The following ESRRG variants were observed in gnomAD, a reference collection of about 807,000 sequenced individuals.
The protein encoded by ESRRG is estrogen-related receptor gamma.
In ESRRG, 13 loss-of-function variants were observed where a neutral mutation model predicts 44.0. That is an observed-to-expected ratio of 0.30 (90% CI 0.19 to 0.47). The LOEUF (loss-of-function observed/expected upper bound fraction) is 0.47. Ranked by LOEUF, ESRRG falls within the 20% of genes least tolerant of loss-of-function variation. The pLI, the probability that ESRRG is intolerant of heterozygous loss-of-function variation, is 1.00. For synonymous variants in ESRRG, 215 were observed against 214.6 expected (o/e 1.00, Z -0.02); for missense variants, 395 against 580.6 (o/e 0.68, Z 3.29).
At position 216,825,725 on chromosome 1, in the gene ESRRG, T is replaced by A. The variant is rs78818628; in HGVS notation, c.-14+113857A>T. On this transcript the variant is annotated intron_variant, in intron 2 of 7. Transcript: ENST00000359162. ...GAACCAGTTGAGATTGCTTATGCTCTACAAAGCATTCTAGTCTGAGAAGAG... is the reference window on the plus strand; with the variant it reads ...GAACCAGTTGAGATTGCTTATGCTCAACAAAGCATTCTAGTCTGAGAAGAG... 1.3e-4 allele frequency among the ~76,000 whole-genome samples: 20 copies of A among 152,330 alleles called. No individual in the cohort carries two copies. The East Asian group carries it at 3.9e-3, about 29-fold the overall frequency.
chr1:216,545,483 T>G (rs977195309), intron 5 of ESRRG, among the ~76,000 whole-genome samples: 6 of 152,072 alleles, frequency 3.9e-5, no homozygotes, highest in Non-Finnish European at 8.8e-5. Context: ...TAGTCTGATG[T>G]TATTTGTATA....
At chr1:216,898,121 CAGAA>C (rs2058635020) in intron 2 of ESRRG, among the ~76,000 whole-genome samples, 2 of 152,130 alleles carry the variant, frequency 1.3e-5, no homozygotes, top group South Asian at 4.1e-4. Flanking sequence ...GGGAAAAAAT[CAGAA>C]AGATCTGATT....
chr1:217,077,046 A>G (rs944811377), intron 1 of ESRRG: 4 of 152,228 alleles, frequency 2.6e-5, no homozygotes, highest in Non-Finnish European at 5.9e-5. Flanking sequence ...ACCAAATCAC[A>G]TGACCTTTTA....
chr1:216,545,599 A>C (rs1352282627), intron 5 of ESRRG, among the ~76,000 whole-genome samples: 1 of 152,068 alleles, frequency 6.6e-6, no homozygotes, highest in Admixed American at 6.6e-5. Flanking sequence ...AATTTTTCAA[A>C]ATTTTATTGA....
intron 1 of ESRRG, among the ~76,000 whole-genome samples, chr1:216,987,975 T>C (rs993592211): frequency 1.3e-5 from 2 of 152,160 alleles, no homozygotes; most frequent in Non-Finnish European, 2.9e-5. Flanking sequence ...TTATCCACAG[T>C]GGTAACTTAA....
chr1:217,108,084 C>T (rs2092619869), intron 1 of ESRRG, among the ~76,000 whole-genome samples: 1 of 152,084 alleles, frequency 6.6e-6, no homozygotes, highest in Admixed American at 6.6e-5. Flanking sequence ...AAAGTCTCTA[C>T]CCAGTTTTCC....
intron 2 of ESRRG, among the ~76,000 whole-genome samples, chr1:216,873,069 G>C (rs1004609446): frequency 2.6e-5 from 4 of 152,100 alleles, no homozygotes; most frequent in Non-Finnish European, 5.9e-5. Context: ...GATTTTTCCT[G>C]TGTGTGCACC....
At chr1:216,508,453 T>C (rs889785690) in intron 6 of ESRRG, among the ~76,000 whole-genome samples, 4 of 152,232 alleles carry the variant, frequency 2.6e-5, no homozygotes, top group African/African-American at 9.6e-5. Flanking sequence ...TATTTACTGC[T>C]CAAGACTCAA....
At chr1:216,959,960 A>T (rs1174790301) in intron 1 of ESRRG, among the ~76,000 whole-genome samples, 1 of 152,158 alleles carries the variant, frequency 6.6e-6, no homozygotes, top group Non-Finnish European at 1.5e-5. Flanking sequence ...CTTTACAGAT[A>T]AGAACATTGA....
At chr1:216,878,120 T>C (rs2096386039) in intron 2 of ESRRG, among the ~76,000 whole-genome samples, 1 of 152,232 alleles carries the variant, frequency 6.6e-6, no homozygotes, top group Non-Finnish European at 1.5e-5. Flanking sequence ...TGTTTTATAA[T>C]ACCTATTTCT....
At chr1:216,545,278 G>A (rs1485674560) in intron 5 of ESRRG, among the ~76,000 whole-genome samples, 1 of 150,724 alleles carries the variant, frequency 6.6e-6, no homozygotes, top group African/African-American at 2.4e-5. Flanking sequence ...GTCCAGGCTG[G>A]TCTTAAACTC....
Position 216,568,086 on chromosome 1 carries a change from T to A in ESRRG, c.602A>T (p.Asp201Val). ...CTTCTGCCGACCTCCACGTACTCTG[T>A]CAAGACGCACCCCTGTGAGCAAAGA... ...VGMLKEGVRL[D>V]RVRGGRQKYK... is the part of the protein sequence containing the mutation. Residue 201 changes from aspartate (D) to valine (V), a missense_variant, in exon 4 of 7, where the codon GAC (aspartate) becomes GTC (valine). Physicochemically the swap from Asp to Val is radical, Grantham distance 152 (BLOSUM62 -3). Around this residue, in one of 5 missense-constraint regions of ESRRG, gnomAD observed 35 missense variants for 120.1 expected, o/e 0.29. Coordinates refer to ENST00000408911, the MANE Select transcript of ESRRG (RefSeq NM_001438.4). The A allele has an allele frequency of 6.2e-7, 1 of 1,613,092 alleles. No homozygotes were observed. Among genetic ancestry groups the A allele is most frequent in the Non-Finnish European group, 8.5e-7 (1 of 1,179,150 alleles).
In ESRRG at chr1:217,002,323, G is replaced by GA. The variant is rs10714133; in HGVS notation, c.-105-62651dup. 5.2e-4 allele frequency among the ~76,000 whole-genome samples: 61 copies of GA among 116,926 alleles called. 1 individual carries two copies. The highest frequency in any genetic ancestry group is 2.1e-3 in the South Asian group (8 of 3,818). 76.7% of individuals were successfully genotyped at this position (116,926 alleles called of 152,430 possible). On this transcript the variant is annotated intron_variant, in intron 1 of 7. Coordinates refer to the ESRRG transcript ENST00000359162. ...TCTAAAAAAAAAAAAAAGAAAGAAAGAAAAAAAAAAAAGAAAGAAAGAAAA... is the reference window on the plus strand; with the variant it reads ...TCTAAAAAAAAAAAAAAGAAAGAAAGAAAAAAAAAAAAAGAAAGAAAGAAAA...
intron 1 of ESRRG, among the ~76,000 whole-genome samples, chr1:216,981,199 A>G (rs753583490): frequency 6.6e-6 from 1 of 152,212 alleles, no homozygotes; most frequent in African/African-American, 2.4e-5. Context: ...TTTCCATTCT[A>G]TCATAACCAC....
intron 2 of ESRRG, among the ~76,000 whole-genome samples, chr1:216,889,422 A>G (rs565000185): frequency 6.6e-6 from 1 of 152,340 alleles, no homozygotes; most frequent in South Asian, 2.1e-4. Context: ...CTGAGAGGCC[A>G]TGGACACCCA....
At chr1:216,799,874 C>T (rs2094567865) in intron 2 of ESRRG, among the ~76,000 whole-genome samples, 1 of 152,040 alleles carries the variant, frequency 6.6e-6, no homozygotes, top group Non-Finnish European at 1.5e-5. Flanking sequence ...TCTCATTAGT[C>T]AGTAATTTGG....
At chr1:216,613,272 A>T (rs1251152648) in intron 3 of ESRRG, among the ~76,000 whole-genome samples, 1 of 152,186 alleles carries the variant, frequency 6.6e-6, no homozygotes, top group Non-Finnish European at 1.5e-5. Flanking sequence ...TAAGAATATT[A>T]TTGTAATGGT....
At chr1:216,869,646 A>G (rs561047460) in intron 2 of ESRRG, among the ~76,000 whole-genome samples, 1 of 152,060 alleles carries the variant, frequency 6.6e-6, no homozygotes, top group Non-Finnish European at 1.5e-5. Flanking sequence ...TAGAACCAAC[A>G]TCTTTACTTT....
intron 1 of ESRRG, among the ~76,000 whole-genome samples, chr1:216,983,271 A>G (rs562498410): frequency 2.0e-5 from 3 of 151,668 alleles, no homozygotes; most frequent in Non-Finnish European, 2.9e-5. Flanking sequence ...TCGCTCTGTT[A>G]CCCAGGTTGG....
Sources: gnomAD v4.1 joint callset for allele counts (sites outside exome capture counted in the v4.1 genomes callset) on GRCh38, gnomAD v4.1.1 for gene constraint, gnomAD v4.1.1 regional missense constraint, MANE v1.5 for transcripts, NCBI Gene and HGNC (gene_info 2026-07-23, HGNC 2026-07-21) for gene names.